MYO5B: variants seen among roughly 807,000 people sequenced by gnomAD.
The protein encoded by MYO5B is unconventional myosin-Vb.
MYO5B carries 143 observed loss-of-function variants against 229.3 expected under a neutral mutation model. That is an observed-to-expected ratio of 0.62 (90% CI 0.54 to 0.72). The LOEUF (loss-of-function observed/expected upper bound fraction) is 0.72, where lower values mean the gene tolerates loss of function less well. Ranked by LOEUF, MYO5B falls within the 30% of genes least tolerant of loss-of-function variation. The probability of loss-of-function intolerance (pLI) is 0.00; values close to 1 mark genes in which losing one functional copy is unlikely to be tolerated. For synonymous variants in MYO5B, 918 were observed against 885.2 expected (o/e 1.04, Z -0.66); for missense variants, 2,321 against 2,331.0 (o/e 1.00, Z 0.09).
intron 1 of MYO5B, among the ~76,000 whole-genome samples, chr18:50,115,837 G>T (rs1054588216): frequency 6.6e-6 from 1 of 151,968 alleles, no homozygotes; most frequent in Non-Finnish European, 1.5e-5. Flanking sequence ...GGAGGGTAGT[G>T]GTAGGTAAAG....
chr18:49,913,096 T>C (rs1008974999), intron 17 of MYO5B, among the ~76,000 whole-genome samples: 16 of 152,214 alleles, frequency 1.1e-4, no homozygotes, highest in Non-Finnish European at 2.2e-4. Context: ...ACAGGCCCAC[T>C]GTAAAGAAAA....
At chr18:49,974,788 C>CACAG (rs1555648472) in intron 9 of MYO5B, among the ~76,000 whole-genome samples, 173 bp from the exon 10 acceptor site, 2 of 114,458 alleles carry the variant, frequency 1.7e-5, no homozygotes, top group Non-Finnish European at 4.0e-5. Context: ...CTCACACACA[C>CACAG]ACACACACAG....
chr18:49,891,119 CACTT>C (rs1250549018), intron 22 of MYO5B, among the ~76,000 whole-genome samples: 1 of 152,144 alleles, frequency 6.6e-6, no homozygotes, highest in East Asian at 1.9e-4. Flanking sequence ...TTTGCCTCCT[CACTT>C]ACTCCACCTG....
chr18:49,968,128 C>T (rs1019029173), intron 10 of MYO5B, among the ~76,000 whole-genome samples: 1 of 152,082 alleles, frequency 6.6e-6, no homozygotes, highest in Non-Finnish European at 1.5e-5. Context: ...GGGCAGATGA[C>T]AGGAAACTAG....
Position 50,083,767 on chromosome 18 carries a change from T to C in MYO5B, c.28-28389A>G, listed in dbSNP as rs564213784. On this transcript the variant is annotated intron_variant, in intron 1 of 39. Coordinates refer to ENST00000285039, the MANE Select transcript of MYO5B (RefSeq NM_001080467.3). Reference sequence around the variant, plus strand: ...CACCAAGGCCACCTACAGCTGGAGTTGGGAGGAGGTAAAACCTCTAGTGGG... The same window carrying C: ...CACCAAGGCCACCTACAGCTGGAGTCGGGAGGAGGTAAAACCTCTAGTGGG... Among the ~76,000 whole-genome samples the C allele has an allele frequency of 2.0e-5, 3 of 152,270 alleles. No individual in the cohort carries two copies. The South Asian group carries it at 6.2e-4, about 32-fold the overall frequency.
Position 50,168,666 on chromosome 18 carries a change from C to G in MYO5B, c.27+26101G>C, listed in dbSNP as rs1388683182. On this transcript the variant is annotated intron_variant, in intron 1 of 39. Transcript: ENST00000285039. ...AACCCTGTGTGAATCTCAGACACCACGACCCCTAACCAGGTCTTGGTCAAT... is the reference window on the plus strand; with the variant it reads ...AACCCTGTGTGAATCTCAGACACCAGGACCCCTAACCAGGTCTTGGTCAAT... 6.3e-5 allele frequency among the ~76,000 whole-genome samples: 4 copies of G among 63,676 alleles called. 1 individual carries two copies. Among genetic ancestry groups the G allele is most frequent in the African/African-American group, 1.8e-4 (3 of 16,336 alleles). The allele number at this position is 63,676 out of a possible 152,430, so 41.8% of individuals were successfully genotyped here.
intron 27 of MYO5B, among the ~76,000 whole-genome samples, chr18:49,870,352 T>C (rs562493427): frequency 2.3e-4 from 35 of 152,236 alleles, no homozygotes; most frequent in Admixed American, 1.4e-3. Flanking sequence ...GAAGAAAACA[T>C]AGGGCAAAAG....
At chr18:50,038,170 C>G (rs2029897083) in intron 3 of MYO5B, among the ~76,000 whole-genome samples, 1 of 152,124 alleles carries the variant, frequency 6.6e-6, no homozygotes, top group South Asian at 2.1e-4. Context: ...AGAGATATGC[C>G]TTTTTCTTTC....
chr18:50,155,662 A>G (rs963965654), intron 1 of MYO5B, among the ~76,000 whole-genome samples: 1 of 152,230 alleles, frequency 6.6e-6, no homozygotes, highest in African/African-American at 2.4e-5. Flanking sequence ...CTACCAGAGT[A>G]GATGCAAAAA....
At chr18:49,996,952 A>T (rs9963530) in intron 5 of MYO5B, among the ~76,000 whole-genome samples, 92,541 of 152,086 alleles carry the variant, frequency 0.61, 29,054 homozygotes, top group South Asian at 0.85. Flanking sequence ...AAAATGGGTT[A>T]ACAGTGTCTG....
chr18:50,114,810 GAGC>G (rs1001298367), intron 1 of MYO5B, among the ~76,000 whole-genome samples: 1 of 152,178 alleles, frequency 6.6e-6, no homozygotes. Context: ...TCCACAGGTG[GAGC>G]AGGTGTGGTG....
At chr18:50,125,404 G>T (rs1705530) in intron 1 of MYO5B, among the ~76,000 whole-genome samples, 87,060 of 143,600 alleles carry the variant, frequency 0.61, 26,666 homozygotes, top group Admixed American at 0.68. Flanking sequence ...ATAGCATTAG[G>T]AGATATACCT....
chr18:49,911,966 A>T, intron 18 of MYO5B, 96 bp downstream of exon 18: 1 of 913,328 alleles, frequency 1.1e-6, no homozygotes, highest in Non-Finnish European at 1.8e-6. Context: ...AGTAAGAAGG[A>T]TGAAGACCAA....
intron 1 of MYO5B, among the ~76,000 whole-genome samples, chr18:50,083,942 C>T (rs1390859873): frequency 6.6e-6 from 1 of 152,216 alleles, no homozygotes; most frequent in African/African-American, 2.4e-5. Context: ...ACAGAAGTTT[C>T]ATAGTAAGAC....
rs115263839 is a variant in MYO5B, at chr18:49,855,407, T to C, written c.4022+1406A>G. 1.0e-2 allele frequency among the ~76,000 whole-genome samples: 1,520 copies of C among 152,350 alleles called. 38 individuals carry two copies. The South Asian group carries it at 0.12, about 12-fold the overall frequency. ...GGACTCTTGATTCATAGGTCTGTGC[T>C]TTATTAATGCATTCAGTTGCCGATT... is the stretch of plus-strand genomic sequence containing the variant. On this transcript the variant is annotated intron_variant, in intron 30 of 39. Coordinates refer to ENST00000285039, the MANE Select transcript of MYO5B (RefSeq NM_001080467.3).
chr18:50,163,191 C>T (rs2032795544), intron 1 of MYO5B, among the ~76,000 whole-genome samples: 1 of 152,194 alleles, frequency 6.6e-6, no homozygotes, highest in South Asian at 2.1e-4. Context: ...ACCAAGCCTG[C>T]TAATATTTTT....
At chr18:50,045,508 C>T (rs2030198992) in intron 2 of MYO5B, among the ~76,000 whole-genome samples, 2 of 152,168 alleles carry the variant, frequency 1.3e-5, no homozygotes, top group South Asian at 4.1e-4. Flanking sequence ...ATCCTCCTGC[C>T]TCGGCCTCCC....
intron 31 of MYO5B, chr18:49,850,467 T>C (rs1285131450): frequency 1.3e-5 from 2 of 152,272 alleles, no homozygotes; most frequent in Non-Finnish European, 2.9e-5. Context: ...ACACACCTAG[T>C]TATAGATGTT....
intron 34 of MYO5B, among the ~76,000 whole-genome samples, chr18:49,842,824 A>T (rs1027654886): frequency 1.3e-5 from 2 of 152,164 alleles, no homozygotes; most frequent in African/African-American, 2.4e-5. Context: ...CCAGGGAAGC[A>T]AGCACCCGGC....
Sources: gnomAD v4.1 joint callset for allele counts (sites outside exome capture counted in the v4.1 genomes callset) on GRCh38, gnomAD v4.1.1 for gene constraint, MANE v1.5 for transcripts, NCBI Gene and HGNC (gene_info 2026-07-23, HGNC 2026-07-21) for gene names.